ACYP2: variants seen among roughly 807,000 people sequenced by gnomAD.
The protein encoded by ACYP2 is acylphosphatase 2.
A neutral mutation model predicts 11.2 loss-of-function variants in ACYP2; 12 were observed. That is an observed-to-expected ratio of 1.08 (90% CI 0.69 to 1.74). The LOEUF is 1.74. ACYP2 is among the 40% of genes most tolerant of loss of function. The pLI is 0.00. For missense variants in ACYP2, 134 were observed against 101.9 expected, an observed-to-expected ratio of 1.31 and a Z score of -1.35; for synonymous variants, 43 against 32.2, an observed-to-expected ratio of 1.33 and a Z score of -1.13.
intron 6 of ACYP2, among the ~76,000 whole-genome samples, chr2:54,170,088 A>T (rs1002775877): frequency 6.6e-6 from 1 of 152,028 alleles, no homozygotes; most frequent in Non-Finnish European, 1.5e-5. Flanking sequence ...CAGTTTTTAT[A>T]TTTTTAGAAC....
intron 4 of ACYP2, among the ~76,000 whole-genome samples, chr2:54,066,961 A>G (rs534235433): frequency 2.4e-4 from 37 of 152,218 alleles, no homozygotes; most frequent in Non-Finnish European, 4.9e-4. Flanking sequence ...TGGAGTTTGA[A>G]TCTGAGATTT....
intron 2 of ACYP2, among the ~76,000 whole-genome samples, chr2:54,031,035 A>G (rs1674557408): frequency 1.3e-5 from 2 of 152,186 alleles, no homozygotes; most frequent in South Asian, 4.1e-4. Context: ...AGGGGCGCAG[A>G]CACAATGTGA....
chr2:54,025,884 GT>G (rs1403870395), intron 2 of ACYP2, among the ~76,000 whole-genome samples: 1 of 151,942 alleles, frequency 6.6e-6, no homozygotes, highest in African/African-American at 2.4e-5. Context: ...TGAGGCTGAG[GT>G]CAGGAATTTG....
intron 6 of ACYP2, among the ~76,000 whole-genome samples, chr2:54,252,062 C>G (rs11896604): frequency 0.15 from 22,965 of 152,118 alleles, 1,730 homozygotes; most frequent in East Asian, 0.19. Context: ...TTGCAAGGAG[C>G]GTAAATCTCA....
intron 6 of ACYP2, among the ~76,000 whole-genome samples, chr2:54,185,861 G>T (rs1475932327): frequency 6.6e-6 from 1 of 152,008 alleles, no homozygotes; most frequent in African/African-American, 2.4e-5. Flanking sequence ...AAATATGAAG[G>T]TGTAGGATCG....
intron 4 of ACYP2, chr2:54,115,662 C>A (rs1679713638): frequency 6.2e-7 from 1 of 1,603,028 alleles, no homozygotes; most frequent in African/African-American, 1.3e-5. Context: ...CGCCCCGAGC[C>A]CCTCTCCGGC....
At position 54,255,356 on chromosome 2, in the gene ACYP2, T is replaced by C. The variant is rs752087423; in HGVS notation, c.405-49332T>C. The C allele has an allele frequency of 1.5e-5, 24 of 1,614,022 alleles. No homozygotes were observed. The highest frequency in any genetic ancestry group is 1.9e-5 in the Non-Finnish European group (22 of 1,180,036). ...AACATCTCGGCATCTTGGCCTCTAA[T>C]CATGGCAGACAGCTGTGGGTGGTGG... On this transcript the variant is annotated intron_variant, in intron 6 of 6. Transcript: ENST00000607452.
At chr2:54,149,166 C>T (rs1360807322) in intron 6 of ACYP2, among the ~76,000 whole-genome samples, 4 of 152,128 alleles carry the variant, frequency 2.6e-5, no homozygotes, top group African/African-American at 9.7e-5. Context: ...TTTTAAAATG[C>T]AATGACAGTA....
intron 6 of ACYP2, among the ~76,000 whole-genome samples, chr2:54,189,794 A>G (rs11902945): frequency 6.6e-5 from 10 of 152,188 alleles, no homozygotes; most frequent in African/African-American, 2.2e-4. Flanking sequence ...ACTGTTTTAC[A>G]TAATGGCTGC....
In ACYP2 at chr2:54,053,310, A is replaced by C. The variant is rs543515337; in HGVS notation, c.155+2260A>C. Among the ~76,000 whole-genome samples the C allele has an allele frequency of 8.9e-4, 136 of 152,344 alleles. 1 individual carries two copies. The highest frequency in any genetic ancestry group is 1.6e-3 in the Non-Finnish European group (112 of 68,034). On this transcript the variant is annotated intron_variant, in intron 3 of 6. Transcript: ENST00000607452. Reference sequence around the variant, plus strand: ...TGGCTGTCTAGTGAACTGAATGCCCAGCCTTCATCCACTAGCTCAGACTAC... The same window carrying C: ...TGGCTGTCTAGTGAACTGAATGCCCCGCCTTCATCCACTAGCTCAGACTAC...
chr2:54,057,288 G>T lies in ACYP2; in HGVS notation c.205G>T (p.Val69Leu). ...GTTTGGTTTTGGTCAAGTCATAATT[G>T]TGAGTGAAGAACCATGGAAGGAGAA... is the stretch of plus-strand genomic sequence containing the variant. Residue 69 changes from valine to leucine, a missense_variant, in exon 4 of 7, where the codon GTG becomes TTG. Transcript: ENST00000607452. 1 of 398,062 alleles carries T rather than the reference G, an allele frequency of 2.5e-6. No individual in the cohort carries two copies. Among genetic ancestry groups the T allele is most frequent in the Non-Finnish European group, 4.4e-6 (1 of 225,752 alleles). The allele number at this position is 398,062 out of a possible 1,614,324, so 24.7% of individuals were successfully genotyped here. A position where few individuals can be genotyped will look rare whatever the true frequency, so the allele number is the denominator to read the frequency against.
At chr2:54,256,048 A>T (rs1305427705) in intron 6 of ACYP2, 4 of 1,613,680 alleles carry the variant, frequency 2.5e-6, no homozygotes, top group Non-Finnish European at 3.4e-6. Context: ...ATCTGCCATT[A>T]CCTCTGTCGC....
rs145658568 is a variant in ACYP2 at position 54,237,168 on chromosome 2, T to C, written c.405-67520T>C. Among the ~76,000 whole-genome samples the C allele has an allele frequency of 4.1e-3, 623 of 152,346 alleles. 6 individuals carry two copies. Among genetic ancestry groups the C allele is most frequent in the African/African-American group, 0.014 (603 of 41,590 alleles). ...TTCTGTCTTATGTCAGGGACTTGAC[T>C]ATCCATGGATTTTGGTATCCATAGG... On this transcript the variant is annotated intron_variant, in intron 6 of 6. Coordinates refer to ENST00000607452, the MANE Select transcript of ACYP2 (RefSeq NM_001320586.2).
At chr2:54,267,036 C>T (rs1297820483) in intron 6 of ACYP2, among the ~76,000 whole-genome samples, 1 of 152,164 alleles carries the variant, frequency 6.6e-6, no homozygotes, top group African/African-American at 2.4e-5. Context: ...GAGCCATTCT[C>T]AGCTACAAAA....
intron 2 of ACYP2, chr2:54,029,432 C>T (rs1354844225): frequency 4.5e-6 from 1 of 221,914 alleles, no homozygotes; most frequent in South Asian, 7.2e-5. Context: ...TATATATACA[C>T]ACATATGTAT....
At chr2:54,291,466 G>C (rs1213010668) in intron 6 of ACYP2, among the ~76,000 whole-genome samples, 1 of 152,212 alleles carries the variant, frequency 6.6e-6, no homozygotes, top group Non-Finnish European at 1.5e-5. Context: ...AGTAGACGTG[G>C]TATATTGGCT....
intron 4 of ACYP2, among the ~76,000 whole-genome samples, chr2:54,093,032 G>C (rs1354377731): frequency 6.6e-6 from 1 of 152,166 alleles, no homozygotes; most frequent in Non-Finnish European, 1.5e-5. Context: ...TTGGGCTGAG[G>C]CTTCTATTGT....
intron 2 of ACYP2, among the ~76,000 whole-genome samples, chr2:54,025,558 C>A (rs1674238256): frequency 6.6e-6 from 1 of 151,990 alleles, no homozygotes; most frequent in Admixed American, 6.5e-5. Context: ...TCATCTCTTA[C>A]CTTATAAAAA....
chr2:54,115,704 T>G, intron 4 of ACYP2: 3 of 1,612,570 alleles, frequency 1.9e-6, no homozygotes, highest in Non-Finnish European at 2.5e-6. Flanking sequence ...CCGCCATGTC[T>G]ACCGCCCAGT....
Sources: allele counts gnomAD v4.1 joint callset (sites outside exome capture counted in the v4.1 genomes callset), GRCh38; gene constraint gnomAD v4.1.1; transcripts MANE v1.5; gene names NCBI Gene and HGNC (gene_info 2026-07-23, HGNC 2026-07-21).